PRKCB: variants seen among roughly 807,000 people sequenced by gnomAD.
The protein encoded by PRKCB is protein kinase C beta type.
PRKCB carries 13 observed loss-of-function variants against 81.5 expected under a neutral mutation model. The ratio of observed to expected loss-of-function variants is 0.16; its 90% CI spans 0.10 to 0.25. The LOEUF (loss-of-function observed/expected upper bound fraction) is 0.25. PRKCB is among the 10% of genes least tolerant of loss of function. PRKCB has a pLI of 1.00. For synonymous variants in PRKCB, 335 were observed against 321.4 expected (o/e 1.04, Z -0.45); for missense variants, 509 against 875.7 (o/e 0.58, Z 5.29).
chr16:24,146,282 G>T (rs554974232), intron 9 of PRKCB, among the ~76,000 whole-genome samples: 1 of 152,232 alleles, frequency 6.6e-6, no homozygotes, highest in East Asian at 1.9e-4. Flanking sequence ...TCAGGTTTTG[G>T]CTCTTCCTTT....
intron 2 of PRKCB, among the ~76,000 whole-genome samples, chr16:23,984,079 C>G (rs1964771700): frequency 1.3e-5 from 2 of 152,024 alleles, no homozygotes; most frequent in Admixed American, 1.3e-4. Flanking sequence ...TAGGATGCAG[C>G]CAAAACTGTA....
In PRKCB at chr16:24,096,652, C is replaced by CAAAA. The variant is rs1219127854; in HGVS notation, c.821+2367_821+2370dup. Among the ~76,000 whole-genome samples the CAAAA allele has an allele frequency of 4.0e-3, 166 of 41,728 alleles. 2 individuals are homozygous for CAAAA. Among genetic ancestry groups the CAAAA allele is most frequent in the Non-Finnish European group, 5.9e-3 (133 of 22,398 alleles). 27.4% of individuals were successfully genotyped at this position (41,728 alleles called of 152,430 possible). A position where few individuals can be genotyped will look rare whatever the true frequency, so the allele number is the denominator to read the frequency against. On this transcript the variant is annotated intron_variant, in intron 7 of 16. Coordinates refer to ENST00000643927, the MANE Select transcript of PRKCB (RefSeq NM_002738.7). ...ATTTTATTTTGCTCCCTTCCTATGG[C>CAAAA]AAAAAAAAAAAAAAATATATATATA...
intron 1 of PRKCB, 115 bp from the exon 2 acceptor site, chr16:23,837,259 TG>T: frequency 2.3e-6 from 3 of 1,317,840 alleles, no homozygotes; most frequent in South Asian, 2.4e-5. Flanking sequence ...CGCCTGTGGC[TG>T]GGAGTTTGCA....
intron 5 of PRKCB, among the ~76,000 whole-genome samples, chr16:24,088,563 C>A (rs142933615): frequency 6.6e-6 from 1 of 151,936 alleles, no homozygotes; most frequent in African/African-American, 2.4e-5. Flanking sequence ...TCCATCTCTA[C>A]AAAAATTTTT....
intron 2 of PRKCB, among the ~76,000 whole-genome samples, chr16:23,911,618 TA>T (rs960996619): frequency 3.9e-5 from 6 of 152,282 alleles, no homozygotes; most frequent in Non-Finnish European, 8.8e-5. Flanking sequence ...ACAAACGTCA[TA>T]AACGTGGTTT....
intron 16 of PRKCB, among the ~76,000 whole-genome samples, chr16:24,213,862 A>G (rs1239348562): frequency 6.6e-6 from 1 of 152,230 alleles, no homozygotes; most frequent in East Asian, 1.9e-4. Flanking sequence ...GGCCTTTTTA[A>G]TATAGAAACA....
At chr16:24,190,939 T>G (rs1967782814) in intron 15 of PRKCB, 151 bp from the exon 16 acceptor site, 1 of 918,462 alleles carries the variant, frequency 1.1e-6, no homozygotes. Context: ...CTGGCTGGGA[T>G]TTTTTGCTGG....
At chr16:24,191,975 G>A (rs535534883) in intron 16 of PRKCB, among the ~76,000 whole-genome samples, 3 of 152,326 alleles carry the variant, frequency 2.0e-5, no homozygotes, top group East Asian at 3.9e-4. Flanking sequence ...TCTGCTGGGA[G>A]GATATTTCCT....
intron 16 of PRKCB, among the ~76,000 whole-genome samples, chr16:24,212,755 C>G (rs1460668093): frequency 1.3e-5 from 2 of 152,048 alleles, no homozygotes; most frequent in Non-Finnish European, 2.9e-5. Flanking sequence ...GTGTGAACCA[C>G]CACGCCTGGC....
intron 2 of PRKCB, among the ~76,000 whole-genome samples, chr16:23,961,305 A>G (rs1344680868): frequency 1.3e-5 from 2 of 152,210 alleles, no homozygotes; most frequent in Non-Finnish European, 2.9e-5. Flanking sequence ...TGGTTTATGT[A>G]TAACAAAATG....
intron 5 of PRKCB, among the ~76,000 whole-genome samples, chr16:24,044,262 G>A (rs182613479): frequency 6.6e-6 from 1 of 152,242 alleles, no homozygotes; most frequent in East Asian, 1.9e-4. Flanking sequence ...TGGAGGGTGA[G>A]ACACGAGAAT....
intron 16 of PRKCB, among the ~76,000 whole-genome samples, chr16:24,199,058 T>G (rs1479800577): frequency 6.6e-6 from 1 of 152,222 alleles, no homozygotes; most frequent in Non-Finnish European, 1.5e-5. Flanking sequence ...CCCATAATTT[T>G]GAGGCATCTG....
chr16:24,073,561 C>T (rs1335869905), intron 5 of PRKCB, among the ~76,000 whole-genome samples: 3 of 152,184 alleles, frequency 2.0e-5, no homozygotes, highest in Admixed American at 6.5e-5. Flanking sequence ...TCTCAAATTC[C>T]TGGCCTCAAG....
intron 2 of PRKCB, among the ~76,000 whole-genome samples, chr16:23,969,732 A>G (rs1964532152): frequency 6.6e-6 from 1 of 152,146 alleles, no homozygotes; most frequent in Non-Finnish European, 1.5e-5. Context: ...TCAAATCAAA[A>G]CTGACCCATT....
intron 2 of PRKCB, among the ~76,000 whole-genome samples, chr16:23,858,375 C>T (rs558243238): frequency 2.0e-5 from 3 of 152,132 alleles, no homozygotes; most frequent in Admixed American, 6.5e-5. Context: ...AGGAAGGCCC[C>T]GTAAGAGTGT....
rs549308041 is a variant in PRKCB, at chr16:24,186,714, A to G, written c.1722+1147A>G. On this transcript the variant is annotated intron_variant, in intron 15 of 16. Coordinates refer to ENST00000643927, the MANE Select transcript of PRKCB (RefSeq NM_002738.7). Reference sequence around the variant, plus strand: ...GAAAGCTGGGAAACTCAGGCAGGCCAATCTGAGGCTTGGCCCAGTTTGGAA... The same window carrying G: ...GAAAGCTGGGAAACTCAGGCAGGCCGATCTGAGGCTTGGCCCAGTTTGGAA... Among the ~76,000 whole-genome samples the G allele has an allele frequency of 3.3e-5, 5 of 152,354 alleles. No homozygotes were observed. The East Asian group carries it at 7.7e-4, about 24-fold the overall frequency.
chr16:23,955,230 GCACACACACA>G (rs10543098), intron 2 of PRKCB, among the ~76,000 whole-genome samples: 2 of 149,326 alleles, frequency 1.3e-5, no homozygotes, highest in African/African-American at 4.9e-5. Context: ...ACACACACAT[GCACACACACA>G]CACACACACA....
At chr16:23,891,285 T>C (rs960072918) in intron 2 of PRKCB, among the ~76,000 whole-genome samples, 2 of 152,114 alleles carry the variant, frequency 1.3e-5, no homozygotes, top group African/African-American at 4.8e-5. Context: ...ACTCCTGGGC[T>C]CAAGCAATCC....
intron 5 of PRKCB, among the ~76,000 whole-genome samples, chr16:24,059,134 G>T (rs1420033158): frequency 6.6e-6 from 1 of 152,150 alleles, no homozygotes; most frequent in East Asian, 1.9e-4. Flanking sequence ...GGTTGCATGG[G>T]TGACTGTGTC....
Sources: gnomAD v4.1 joint callset for allele counts (sites outside exome capture counted in the v4.1 genomes callset) on GRCh38, gnomAD v4.1.1 for gene constraint, MANE v1.5 for transcripts, NCBI Gene and HGNC (gene_info 2026-07-23, HGNC 2026-07-21) for gene names.